Variants in PCDHGA12 observed in about 807,000 individuals in gnomAD.
The protein encoded by PCDHGA12 is protocadherin gamma subfamily A, 12.
PCDHGA12 carries 43 observed loss-of-function variants against 61.1 expected under a neutral mutation model. The observed-to-expected ratio is 0.70, with a 90% CI of 0.55 to 0.91. PCDHGA12 has a LOEUF of 0.91. Ranked by LOEUF, PCDHGA12 falls within the 40% of genes least tolerant of loss-of-function variation. The pLI is 0.00. For missense variants in PCDHGA12, 1,236 were observed against 1,227.7 expected (o/e 1.01, Z -0.10); for synonymous variants, 520 against 542.9 (o/e 0.96, Z 0.59).
Position 141,489,492 on chromosome 5 carries a change from G to C in PCDHGA12, c.2425-5315G>C. On this transcript the variant is annotated intron_variant, in intron 1 of 3. Coordinates refer to ENST00000252085, the MANE Select transcript of PCDHGA12 (RefSeq NM_003735.3). This position sits in a 1 kb window ranked among gnomAD's most constrained non-coding sequence, Gnocchi z 4.5. The stretch of plus-strand genomic sequence containing the variant: ...CCCTGAGCTTGATGAGTGGTGCCCT[G>C]GCAGTGAATCAAAAGATTGACCGAG... The C allele has an allele frequency of 6.2e-7, 1 of 1,614,042 alleles. No homozygotes were observed. The highest frequency in any genetic ancestry group is 8.5e-7 in the Non-Finnish European group (1 of 1,180,034).
In PCDHGA12 at chr5:141,493,930, A is replaced by G. The variant is rs547125826; in HGVS notation, c.2425-877A>G. Among the ~76,000 whole-genome samples the G allele has an allele frequency of 6.6e-6, 1 of 152,268 alleles. No homozygotes were observed. The highest frequency in any genetic ancestry group is 6.5e-5 in the Admixed American group (1 of 15,300). ...TGTGATGGGATAACACACCCCCTGG[A>G]AAGACCAGAAGGGACTCAGGAATGA... On this transcript the variant is annotated intron_variant, in intron 1 of 3. Transcript: ENST00000252085. This position sits in a 1 kb window ranked among gnomAD's most constrained non-coding sequence, Gnocchi z 4.3.
At chr5:141,501,147 G>A (rs1166199034) in intron 2 of PCDHGA12, among the ~76,000 whole-genome samples, 1 of 152,142 alleles carries the variant, frequency 6.6e-6, no homozygotes, top group Non-Finnish European at 1.5e-5. Context: ...GATTACAGGT[G>A]GGAGCCACCA....
At chr5:141,455,239 G>A (rs1034181635) in intron 1 of PCDHGA12, among the ~76,000 whole-genome samples, 1 of 151,898 alleles carries the variant, frequency 6.6e-6, no homozygotes, top group African/African-American at 2.4e-5. Context: ...AAATGTTAAA[G>A]GTCATAGTAC....
intron 1 of PCDHGA12, among the ~76,000 whole-genome samples, chr5:141,482,791 G>T (rs1039924143): frequency 2.6e-5 from 4 of 152,168 alleles, no homozygotes; most frequent in African/African-American, 9.7e-5. Flanking sequence ...TGTGTGTGTG[G>T]CCGGGTACGG....
In PCDHGA12 at chr5:141,489,432, G is replaced by A. The variant is rs2099687138; in HGVS notation, c.2425-5375G>A. ...TGACAGATCTGTTGAGCCGGCGGCTGCAATTGGGCTCTGAGGAGAATGGGC... is the reference window on the plus strand; with the variant it reads ...TGACAGATCTGTTGAGCCGGCGGCTACAATTGGGCTCTGAGGAGAATGGGC... On this transcript the variant is annotated intron_variant, in intron 1 of 3. Transcript: ENST00000252085. The surrounding 1 kb of genome is among the most constrained non-coding windows in gnomAD (Gnocchi z 4.5). 3.1e-6 allele frequency: 5 copies of A among 1,614,166 alleles called. No individual in the cohort carries two copies. Among genetic ancestry groups the A allele is most frequent in the Non-Finnish European group, 4.2e-6 (5 of 1,180,036 alleles).
intron 1 of PCDHGA12, among the ~76,000 whole-genome samples, chr5:141,436,884 G>T (rs1041906146): frequency 6.6e-6 from 1 of 152,190 alleles, no homozygotes; most frequent in Non-Finnish European, 1.5e-5. Context: ...AAAAGATGGG[G>T]GAAAGATTTT....
intron 1 of PCDHGA12, among the ~76,000 whole-genome samples, chr5:141,473,033 G>A (rs1199215390): frequency 1.4e-5 from 2 of 146,282 alleles, no homozygotes. Flanking sequence ...AAGGAAGGAA[G>A]GAAAGAAAGA....
Position 141,432,201 on chromosome 5 carries a change from G to T in PCDHGA12, c.1442G>T (p.Cys481Phe), listed in dbSNP as rs761075658. Residue 481 changes from cysteine (C) to phenylalanine (F), a missense_variant, in exon 1 of 4, where the codon TGT (cysteine) becomes TTT (phenylalanine). Transcript: ENST00000252085. This position sits in a 1 kb window ranked among gnomAD's most constrained non-coding sequence, Gnocchi z 6.0. ...LVSVTAHDPD[C>F]EENAQITYSL... ...TCTGTGACCGCCCACGACCCCGACT[G>T]TGAAGAGAACGCCCAGATCACTTAT... 1.8e-5 allele frequency: 29 copies of T among 1,614,092 alleles called. No homozygotes were observed. The South Asian group carries it at 2.9e-4, about 16-fold the overall frequency.
chr5:141,483,903 G>C (rs1167942546), intron 1 of PCDHGA12, among the ~76,000 whole-genome samples: 1 of 151,282 alleles, frequency 6.6e-6, no homozygotes, highest in Admixed American at 6.6e-5. Context: ...GCTCTGGTGT[G>C]TTTCCCACTC....
rs2099883748 is a variant in PCDHGA12 at position 141,511,359 on chromosome 5, T to A, written c.*186T>A. On this transcript the variant is annotated 3_prime_UTR_variant, in exon 4 of 4. Transcript: ENST00000252085. ...CACCTACCCCTTCCCCCCCAGGGGGTTGAATATGCAAAAGCAGTTCCGCTG... is the reference window on the plus strand; with the variant it reads ...CACCTACCCCTTCCCCCCCAGGGGGATGAATATGCAAAAGCAGTTCCGCTG... 2 of 1,339,338 alleles carry A rather than the reference T, an allele frequency of 1.5e-6. No individual in the cohort carries two copies. Among genetic ancestry groups the A allele is most frequent in the Non-Finnish European group, 2.0e-6 (2 of 1,000,492 alleles). The allele number at this position is 1,339,338 out of a possible 1,614,324, so 83.0% of individuals were successfully genotyped here. A position where few individuals can be genotyped will look rare whatever the true frequency, so the allele number is the denominator to read the frequency against.
At position 141,432,325 on chromosome 5, in the gene PCDHGA12, C is replaced by T. The variant is rs752180978; in HGVS notation, c.1566C>T (p.Tyr522=). ...TGTATGCGCTGAGCTCCTTCGACTACGAGCAGTTCCGAGACTTGCAAGTGA... is the reference window on the plus strand; with the variant it reads ...TGTATGCGCTGAGCTCCTTCGACTATGAGCAGTTCCGAGACTTGCAAGTGA... ...GVLYALSSFD[Y]EQFRDLQVKV... Residue 522 remains tyrosine, a synonymous_variant, in exon 1 of 4, where the codon TAC becomes TAT. Coordinates refer to ENST00000252085, the MANE Select transcript of PCDHGA12 (RefSeq NM_003735.3). The surrounding 1 kb of genome is among the most constrained non-coding windows in gnomAD (Gnocchi z 6.0). 68 of 1,614,142 alleles carry T rather than the reference C, an allele frequency of 4.2e-5. No individual in the cohort carries two copies. Among genetic ancestry groups the T allele is most frequent in the Non-Finnish European group, 5.2e-5 (61 of 1,180,050 alleles).
Position 141,511,002 on chromosome 5 carries a change from C to A in PCDHGA12, c.2628C>A (p.Ser876Arg), listed in dbSNP as rs143630962. The change falls in exon 4 of 4, where the codon AGC becomes AGA. Residue 876 changes from serine to arginine, a missense_variant. Physicochemically the swap from Ser to Arg is moderately radical, Grantham distance 110. Transcript: ENST00000252085. Reference protein sequence around the residue: ...LGGGAGTMGLSARYGPQFTLQ... With the variant: ...LGGGAGTMGLRARYGPQFTLQ... ...GGGGTGCCGGCACCATGGGATTGAG[C>A]GCCCGCTACGGACCCCAGTTCACCC... The A allele has an allele frequency of 8.7e-6, 14 of 1,614,140 alleles. No homozygotes were observed. The highest frequency in any genetic ancestry group is 1.2e-5 in the Non-Finnish European group (14 of 1,180,018).
chr5:141,456,093 T>G (rs1362649283), intron 1 of PCDHGA12, among the ~76,000 whole-genome samples: 1 of 151,986 alleles, frequency 6.6e-6, no homozygotes, highest in Non-Finnish European at 1.5e-5. Context: ...GAGACGGGAT[T>G]TCACCGTGTT....
At chr5:141,484,626 C>T (rs1306600907) in intron 1 of PCDHGA12, among the ~76,000 whole-genome samples, 1 of 151,972 alleles carries the variant, frequency 6.6e-6, no homozygotes, top group African/African-American at 2.4e-5. Context: ...CTGGCTTGAA[C>T]AAAGTGACCA....
chr5:141,439,667 C>T (rs149776177), intron 1 of PCDHGA12, among the ~76,000 whole-genome samples: 2,012 of 152,292 alleles, frequency 0.013, 16 homozygotes, highest in Middle Eastern at 0.034. Context: ...TCATGGAATG[C>T]AAATCCAAGA....
Position 141,487,870 on chromosome 5 carries a change from C to A in PCDHGA12, c.2425-6937C>A. On this transcript the variant is annotated intron_variant, in intron 1 of 3. Transcript: ENST00000252085. This position sits in a 1 kb window ranked among gnomAD's most constrained non-coding sequence, Gnocchi z 5.0. ...AATGAAAGTAATTGGTGATCAAGAGCCAGGCTGTTGTGGAAGCATGATGAT... is the reference window on the plus strand; with the variant it reads ...AATGAAAGTAATTGGTGATCAAGAGACAGGCTGTTGTGGAAGCATGATGAT... 3.5e-6 allele frequency: 3 copies of A among 865,052 alleles called. No individual in the cohort carries two copies. The highest frequency in any genetic ancestry group is 5.3e-6 in the Non-Finnish European group (3 of 568,628). The allele number at this position is 865,052 out of a possible 1,614,324, so 53.6% of individuals were successfully genotyped here.
intron 1 of PCDHGA12, among the ~76,000 whole-genome samples, chr5:141,492,341 C>T (rs2099739551): frequency 6.6e-6 from 1 of 152,222 alleles, no homozygotes; most frequent in East Asian, 1.9e-4. Flanking sequence ...CGAATACCAG[C>T]TTTCACTGCC....
intron 1 of PCDHGA12, among the ~76,000 whole-genome samples, chr5:141,481,153 A>G (rs1376488411): frequency 2.0e-5 from 3 of 152,224 alleles, no homozygotes; most frequent in Non-Finnish European, 4.4e-5. Context: ...TTATTCTGGT[A>G]TTTGCAGAAC....
At chr5:141,481,193 A>AT (rs1437708630) in intron 1 of PCDHGA12, among the ~76,000 whole-genome samples, 4 of 152,216 alleles carry the variant, frequency 2.6e-5, no homozygotes, top group African/African-American at 7.2e-5. Context: ...GCCAGGCCCA[A>AT]TTTTTTTAAA....
Sources: gnomAD v4.1 joint callset for allele counts (sites outside exome capture counted in the v4.1 genomes callset) on GRCh38, gnomAD v4.1.1 for gene constraint, Gnocchi (gnomAD v3.1) non-coding constraint, MANE v1.5 for transcripts, NCBI Gene and HGNC (gene_info 2026-07-23, HGNC 2026-07-21) for gene names.